The following TMEM214 variants were observed in gnomAD, a reference collection of about 807,000 sequenced individuals.
TMEM214 encodes the protein transmembrane protein 214.
A neutral mutation model predicts 89.8 loss-of-function variants in TMEM214; 71 were observed. The ratio of observed to expected loss-of-function variants is 0.79; its 90% CI spans 0.65 to 0.96. TMEM214 has a LOEUF of 0.96. Among genes scored for constraint, TMEM214 ranks in the 40% least tolerant of loss-of-function variants. The pLI is 0.00. For synonymous variants in TMEM214, 332 were observed against 349.5 expected (o/e 0.95, Z 0.56); for missense variants, 754 against 843.4 (o/e 0.89, Z 1.31).
chr2:27,039,587 C>G, intron 13 of TMEM214, 154 bp from the exon 14 acceptor site: 1 of 702,520 alleles, frequency 1.4e-6, no homozygotes, highest in East Asian at 2.6e-5. Flanking sequence ...CTGCATGCCT[C>G]CCTCCACAGC....
At chr2:27,040,544 C>G in intron 16 of TMEM214, 48 bp downstream of exon 16, 1 of 1,602,254 alleles carries the variant, frequency 6.2e-7, no homozygotes, top group Non-Finnish European at 8.5e-7. Flanking sequence ...CAGCCCCATT[C>G]CCGGGCCCCA....
At chr2:27,039,010 C>A in intron 12 of TMEM214, 37 bp from the exon 13 acceptor site, 1 of 1,602,286 alleles carries the variant, frequency 6.2e-7, no homozygotes, top group Non-Finnish European at 8.5e-7. Context: ...ACCAGCCCCT[C>A]GCTTCTGACA....
Position 27,039,078 on chromosome 2 carries a change from TGCCCTGGACGCG to T in TMEM214, c.1442_1453del (p.Pro481_Arg484del). On this transcript the variant is annotated inframe_deletion, in exon 13 of 17. Coordinates refer to ENST00000238788, the MANE Select transcript of TMEM214 (RefSeq NM_017727.5). ...TTGCAGCAGGTTCAGGGTCCTCGGC[TGCCCTGGACGCG>T]GCTCCTCCTGTTGCTGCTGGTCTTC... is the stretch of plus-strand genomic sequence containing the variant. 1 of 1,613,840 alleles carries T rather than the reference TGCCCTGGACGCG, an allele frequency of 6.2e-7. No individual in the cohort carries two copies. The highest frequency in any genetic ancestry group is 2.2e-5 in the East Asian group (1 of 44,884).
Position 27,038,619 on chromosome 2 carries a change from G to A in TMEM214, c.1294-83G>A. ...GCTCCTCAGCCACTGTCCCTTCCCT[G>A]AGAAGGGACCCTGTTGGCATGGAAA... On this transcript the variant is annotated intron_variant, in intron 11 of 16. Transcript: ENST00000238788. This position sits in a 1 kb window ranked among gnomAD's most constrained non-coding sequence, Gnocchi z 4.4. 1 of 1,606,374 alleles carries A rather than the reference G, an allele frequency of 6.2e-7. No individual in the cohort carries two copies.
In TMEM214 at chr2:27,038,756, C is replaced by T. The variant is rs1667682579; in HGVS notation, c.1348C>T (p.Leu450=). 1 of 1,614,196 alleles carries T rather than the reference C, an allele frequency of 6.2e-7. No homozygotes were observed. Among genetic ancestry groups the T allele is most frequent in the Non-Finnish European group, 8.5e-7 (1 of 1,180,014 alleles). ...IQSLKLTNQE[L]LRKGSSNNQD... is the part of the protein sequence containing the mutation. ...GTCCCTCAAGCTTACCAACCAGGAG[C>T]TGCTGAGGAAGGGTAGCAGTAACAA... Residue 450 remains leucine (L), a synonymous_variant, in exon 12 of 17, where the codon CTG becomes TTG. Transcript: ENST00000238788. The surrounding 1 kb of genome is among the most constrained non-coding windows in gnomAD (Gnocchi z 4.4).
In TMEM214 at chr2:27,041,215, C is replaced by G. The variant is rs1667819686; in HGVS notation, c.*378C>G. On this transcript the variant is annotated 3_prime_UTR_variant, in exon 17 of 17. Coordinates refer to ENST00000238788, the MANE Select transcript of TMEM214 (RefSeq NM_017727.5). ...ACTCCCAGCAGGTGGCTTCTGTGTT[C>G]TTCTGACAAATGATTCCTGCTTCTC... is the stretch of plus-strand genomic sequence containing the variant. 1 of 195,062 alleles carries G rather than the reference C, an allele frequency of 5.1e-6. No homozygotes were observed. The highest frequency in any genetic ancestry group is 1.1e-5 in the Non-Finnish European group (1 of 92,316). The allele number at this position is 195,062 out of a possible 1,614,324, so 12.1% of individuals were successfully genotyped here.
chr2:27,035,444 G>A lies in TMEM214; in HGVS notation c.503-150G>A, dbSNP rs898064202. 7 of 1,415,346 alleles carry A rather than the reference G, an allele frequency of 4.9e-6. No homozygotes were observed. The African/African-American group carries it at 8.5e-5, about 17-fold the overall frequency. 87.7% of individuals were successfully genotyped at this position (1,415,346 alleles called of 1,614,324 possible). ...TGAATGTTTCTGGGCCTCATTCTGT[G>A]ATCCTCCCTCTGGGCCTCCTCAGAG... On this transcript the variant is annotated intron_variant, in intron 3 of 16. Coordinates refer to ENST00000238788, the MANE Select transcript of TMEM214 (RefSeq NM_017727.5).
chr2:27,036,281 G>A (rs927249955), intron 5 of TMEM214, among the ~76,000 whole-genome samples: 2 of 152,242 alleles, frequency 1.3e-5, no homozygotes, highest in Non-Finnish European at 2.9e-5. Context: ...GAGGAGTTCA[G>A]TAACTTTCCT....
In TMEM214 at chr2:27,036,471, C is replaced by G. The variant is rs1213149503; in HGVS notation, c.721-16C>G. Reference sequence around the variant, plus strand: ...TTTGTCCTATCCCAATCTGCCTTCCCCACCGGTCTCCTCAGTTCCTGGAAC... The same window carrying G: ...TTTGTCCTATCCCAATCTGCCTTCCGCACCGGTCTCCTCAGTTCCTGGAAC... On this transcript the variant is annotated splice_polypyrimidine_tract_variant and intron_variant, in intron 5 of 16. Coordinates refer to ENST00000238788, the MANE Select transcript of TMEM214 (RefSeq NM_017727.5). 6.2e-7 allele frequency: 1 copy of G among 1,609,390 alleles called. No individual in the cohort carries two copies. The highest frequency in any genetic ancestry group is 1.7e-5 in the Admixed American group (1 of 60,018).
At position 27,036,528 on chromosome 2, in the gene TMEM214, G is replaced by A; in HGVS notation, c.762G>A (p.Lys254=). The A allele has an allele frequency of 1.2e-6, 2 of 1,614,180 alleles. No homozygotes were observed. The highest frequency in any genetic ancestry group is 8.5e-7 in the Non-Finnish European group (1 of 1,180,028). ...GGTCCCACCAGAGCCGACCAGCAAA[G>A]TGTCTCACCATCATGTGGGCCCTGG... The part of the protein sequence containing the change: ...LLRSHQSRPA[K]CLTIMWALGQ... Residue 254 remains lysine, a synonymous_variant, in exon 6 of 17, where the codon AAG becomes AAA. Transcript: ENST00000238788.
chr2:27,037,733 T>TC (rs1558398232), intron 9 of TMEM214, 31 bp downstream of exon 9: 2 of 1,614,036 alleles, frequency 1.2e-6, no homozygotes, highest in Admixed American at 3.3e-5. Context: ...TTTTTCTCCT[T>TC]CCCCAGGGGT....
chr2:27,034,581 G>T, intron 2 of TMEM214: 2 of 279,090 alleles, frequency 7.2e-6, no homozygotes, highest in Non-Finnish European at 6.7e-6. Flanking sequence ...TTCATTTTCT[G>T]TCTTGTCCTC....
rs895323034 is a variant in TMEM214 at position 27,040,564 on chromosome 2, C to T, written c.1943+68C>T. 3 of 1,591,310 alleles carry T rather than the reference C, an allele frequency of 1.9e-6. No homozygotes were observed. The African/African-American group carries it at 4.0e-5, about 21-fold the overall frequency. On this transcript the variant is annotated intron_variant, in intron 16 of 16. Coordinates refer to ENST00000238788, the MANE Select transcript of TMEM214 (RefSeq NM_017727.5). Reference sequence around the variant, plus strand: ...CCATTCCCGGGCCCCAGGGACAAGCCATCTCTATCCAGTCTCCCACACTGT... The same window carrying T: ...CCATTCCCGGGCCCCAGGGACAAGCTATCTCTATCCAGTCTCCCACACTGT...
Position 27,040,455 on chromosome 2 carries a change from G to A in TMEM214, c.1902G>A (p.Glu634=). ...VLLPLWHLLL[E]ALAWAQEHCH... ...TGCCACTGTGGCACCTCTTGCTTGA[G>A]GCCCTGGCCTGGGCCCAGGAGCACT... The change falls in exon 16 of 17, where the codon GAG becomes GAA. Residue 634 remains glutamate (E), a synonymous_variant. Coordinates refer to ENST00000238788, the MANE Select transcript of TMEM214 (RefSeq NM_017727.5). 2 of 1,614,158 alleles carry A rather than the reference G, an allele frequency of 1.2e-6. No homozygotes were observed. Among genetic ancestry groups the A allele is most frequent in the Non-Finnish European group, 1.7e-6 (2 of 1,180,034 alleles).
chr2:27,035,549 T>C (rs1346823380), intron 3 of TMEM214, 45 bp from the exon 4 acceptor site: 2 of 1,609,892 alleles, frequency 1.2e-6, no homozygotes, highest in Non-Finnish European at 1.7e-6. Flanking sequence ...TCAGAGCTGA[T>C]GGGTGTCTGG....
At chr2:27,039,593 A>G in intron 13 of TMEM214, 148 bp from the exon 14 acceptor site, 1 of 731,952 alleles carries the variant, frequency 1.4e-6, no homozygotes, top group Admixed American at 2.1e-5. Context: ...GCCTCCCTCC[A>G]CAGCAGCCTG....
At position 27,034,113 on chromosome 2, in the gene TMEM214, TATC is replaced by T. The variant is rs777511058; in HGVS notation, c.201_203del (p.Ile67del). The T allele has an allele frequency of 3.7e-6, 6 of 1,614,102 alleles. No homozygotes were observed. The South Asian group carries it at 6.6e-5, about 18-fold the overall frequency. On this transcript the variant is annotated inframe_deletion, in exon 2 of 17. Coordinates refer to ENST00000238788, the MANE Select transcript of TMEM214 (RefSeq NM_017727.5). ...CCCTTTATGAGCGGGGCTTTGAGAA[TATC>T]ATGAAGCGGCAGAATAAGGAGCAGG...
At chr2:27,039,987 G>A (rs1667758679) in intron 14 of TMEM214, 43 bp from the exon 15 acceptor site, 1 of 1,596,122 alleles carries the variant, frequency 6.3e-7, no homozygotes. Context: ...AAGTGGGCCT[G>A]AGGAGACTCA....
rs1667685163 is a variant in TMEM214 at position 27,038,811 on chromosome 2, G to A, written c.1403G>A (p.Cys468Tyr). Residue 468 changes from cysteine to tyrosine, a missense_variant, in exon 12 of 17, where the codon TGC (cysteine) becomes TAC (tyrosine). By Grantham distance (194) the Cys-to-Tyr change is radical. Transcript: ENST00000238788. The surrounding 1 kb of genome is among the most constrained non-coding windows in gnomAD (Gnocchi z 4.4). ...NQDVVTCDMA[C>Y]KGLLQQVQGP... ...GATGTCGTCACCTGTGACATGGCCT[G>A]CAAGGTGCTGGCACCCGGTCCTCTC... 1 of 1,613,426 alleles carries A rather than the reference G, an allele frequency of 6.2e-7. No individual in the cohort carries two copies. The highest frequency in any genetic ancestry group is 1.3e-5 in the African/African-American group (1 of 75,036).
Sources: gnomAD v4.1 joint callset for allele counts (sites outside exome capture counted in the v4.1 genomes callset) on GRCh38, gnomAD v4.1.1 for gene constraint, Gnocchi (gnomAD v3.1) non-coding constraint, MANE v1.5 for transcripts, NCBI Gene and HGNC (gene_info 2026-07-23, HGNC 2026-07-21) for gene names.